CNTNAP2: variants seen among roughly 807,000 people sequenced by gnomAD.
CNTNAP2 encodes the protein contactin associated protein 2.
In CNTNAP2, 98 loss-of-function variants were observed where a neutral mutation model predicts 155.2. The ratio of observed to expected loss-of-function variants is 0.63; its 90% CI spans 0.54 to 0.75. The LOEUF (loss-of-function observed/expected upper bound fraction) is 0.75. Among genes scored for constraint, CNTNAP2 ranks in the 30% least tolerant of loss-of-function variants. The pLI is 0.00. For synonymous variants in CNTNAP2, 651 were observed against 631.2 expected (o/e 1.03, Z -0.47); for missense variants, 1,727 against 1,688.1 (o/e 1.02, Z -0.40).
At chr7:146,612,236 G>A (rs967632431) in intron 1 of CNTNAP2, among the ~76,000 whole-genome samples, 1 of 81,408 alleles carries the variant, frequency 1.2e-5, no homozygotes. Flanking sequence ...ATTTATATTA[G>A]TAATGTAAAA....
chr7:147,184,203 T>C (rs1219144971), intron 8 of CNTNAP2, among the ~76,000 whole-genome samples: 2 of 152,136 alleles, frequency 1.3e-5, no homozygotes, highest in African/African-American at 4.8e-5. Context: ...CAAAGATACA[T>C]AGGAAATACT....
intron 15 of CNTNAP2, among the ~76,000 whole-genome samples, chr7:148,116,169 G>C (rs1230974443): frequency 1.3e-5 from 2 of 151,620 alleles, no homozygotes; most frequent in Admixed American, 6.6e-5. Flanking sequence ...GCTTAAGACT[G>C]CACTAAGATT....
At chr7:146,837,840 T>C (rs538859793) in intron 2 of CNTNAP2, among the ~76,000 whole-genome samples, 1 of 152,290 alleles carries the variant, frequency 6.6e-6, no homozygotes, top group South Asian at 2.1e-4. Flanking sequence ...GTCTACTGAA[T>C]GCCTGGAGGG....
chr7:146,461,417 T>TATAATA (rs982007321), intron 1 of CNTNAP2, among the ~76,000 whole-genome samples: 2 of 145,104 alleles, frequency 1.4e-5, no homozygotes, highest in African/African-American at 5.2e-5. Context: ...AAAAAAAAAA[T>TATAATA]ATAATAATAA....
chr7:147,803,630 C>T (rs138206770), intron 13 of CNTNAP2, among the ~76,000 whole-genome samples: 80 of 152,262 alleles, frequency 5.3e-4, no homozygotes, highest in East Asian at 3.7e-3. Context: ...TCTGGGGCTG[C>T]GAAAGGGAGT....
At chr7:147,099,089 G>A (rs1800604847) in intron 4 of CNTNAP2, among the ~76,000 whole-genome samples, 1 of 152,190 alleles carries the variant, frequency 6.6e-6, no homozygotes, top group South Asian at 2.1e-4. Context: ...CATGGGAAGG[G>A]ATAGGTGCAG....
At chr7:147,317,593 C>G (rs1053890555) in intron 9 of CNTNAP2, among the ~76,000 whole-genome samples, 2 of 152,174 alleles carry the variant, frequency 1.3e-5, no homozygotes, top group Non-Finnish European at 2.9e-5. Flanking sequence ...TCTCAAATCT[C>G]ACTTTAATCA....
intron 9 of CNTNAP2, among the ~76,000 whole-genome samples, chr7:147,301,212 G>A (rs539789222): frequency 6.3e-4 from 96 of 152,236 alleles, no homozygotes; most frequent in African/African-American, 2.2e-3. Context: ...GAAAAGATTA[G>A]TAAGAAGAAG....
rs1489290693 is a variant in CNTNAP2 at position 147,390,848 on chromosome 7, C to T, written c.1499-4761C>T. 3.3e-5 allele frequency among the ~76,000 whole-genome samples: 5 copies of T among 151,964 alleles called. No individual in the cohort carries two copies. The East Asian group carries it at 9.6e-4, about 29-fold the overall frequency. ...TAATTATAATGTGAAGATTTATGGC[C>T]ATCTTGGAGATTGATTGCCGGTGTT... is the stretch of plus-strand genomic sequence containing the variant. On this transcript the variant is annotated intron_variant, in intron 9 of 23. Transcript: ENST00000361727.
chr7:147,811,176 C>T (rs779039289), intron 13 of CNTNAP2, among the ~76,000 whole-genome samples: 1 of 152,136 alleles, frequency 6.6e-6, no homozygotes, highest in Admixed American at 6.5e-5. Flanking sequence ...CTCACTGCAA[C>T]CTCCACCTCC....
chr7:146,560,360 T>C (rs1157009699), intron 1 of CNTNAP2, among the ~76,000 whole-genome samples: 1 of 152,064 alleles, frequency 6.6e-6, no homozygotes, highest in African/African-American at 2.4e-5. Flanking sequence ...TATACATATA[T>C]GTTTATATAC....
chr7:147,486,038 A>G lies in CNTNAP2; in HGVS notation c.1774A>G (p.Asn592Asp). 6.2e-7 allele frequency: 1 copy of G among 1,612,958 alleles called. No homozygotes were observed. The highest frequency in any genetic ancestry group is 8.5e-7 in the Non-Finnish European group (1 of 1,178,918). Residue 592 changes from asparagine (N) to aspartate (D), a missense_variant, in exon 11 of 24, where the codon AAC becomes GAC. Physicochemically the swap from Asn to Asp is conservative, Grantham distance 23. Coordinates refer to ENST00000361727, the MANE Select transcript of CNTNAP2 (RefSeq NM_014141.6). ...AGGATACAGTGGGGCCACCTGCCAC[A>G]ACTGTGAGTGCCAATTTATCTCACT... Reference protein sequence around the residue: ...ETGYSGATCHNSIYEPSCEAY... With the variant: ...ETGYSGATCHDSIYEPSCEAY...
At chr7:148,160,575 C>A in intron 17 of CNTNAP2, among the ~76,000 whole-genome samples, 1 of 152,010 alleles carries the variant, frequency 6.6e-6, no homozygotes, top group Non-Finnish European at 1.5e-5. Context: ...TTTTAAAAAT[C>A]CATTTGGACC....
chr7:146,712,263 ATATCT>A (rs1362461002), intron 1 of CNTNAP2, among the ~76,000 whole-genome samples: 2 of 136,174 alleles, frequency 1.5e-5, no homozygotes, highest in East Asian at 2.2e-4. Context: ...ATATGTATAC[ATATCT>A]TATGTATACA....
intron 10 of CNTNAP2, among the ~76,000 whole-genome samples, chr7:147,440,910 T>G (rs1797625869): frequency 6.6e-6 from 1 of 152,140 alleles, no homozygotes; most frequent in Non-Finnish European, 1.5e-5. Context: ...CCTTGAGCTT[T>G]TGGAGTTTGA....
At chr7:147,429,879 G>C (rs995601848) in intron 10 of CNTNAP2, among the ~76,000 whole-genome samples, 1 of 151,984 alleles carries the variant, frequency 6.6e-6, no homozygotes, top group Non-Finnish European at 1.5e-5. Flanking sequence ...TAAATATTTG[G>C]CTTTTTTTCT....
intron 14 of CNTNAP2, among the ~76,000 whole-genome samples, chr7:147,927,948 T>G (rs112281078): frequency 8.0e-4 from 122 of 152,312 alleles, no homozygotes; most frequent in Non-Finnish European, 1.3e-3. Flanking sequence ...TCAAATCTCA[T>G]CTTGAATTGT....
intron 1 of CNTNAP2, among the ~76,000 whole-genome samples, chr7:146,303,244 G>C (rs937869833): frequency 6.6e-6 from 1 of 151,938 alleles, no homozygotes; most frequent in Non-Finnish European, 1.5e-5. Flanking sequence ...TTTTAAATCT[G>C]TTTTCAAACA....
At chr7:147,575,663 G>T (rs1239285803) in intron 12 of CNTNAP2, among the ~76,000 whole-genome samples, 1 of 151,818 alleles carries the variant, frequency 6.6e-6, no homozygotes, top group Admixed American at 6.6e-5. Flanking sequence ...GTAATTTAAT[G>T]TCATAAAACC....
Sources: gnomAD v4.1 joint callset for allele counts (sites outside exome capture counted in the v4.1 genomes callset) on GRCh38, gnomAD v4.1.1 for gene constraint, MANE v1.5 for transcripts, NCBI Gene and HGNC (gene_info 2026-07-23, HGNC 2026-07-21) for gene names.